The following ADGRL2 variants were observed in gnomAD, a reference collection of about 807,000 sequenced individuals.
ADGRL2 encodes adhesion G protein-coupled receptor L2, also known as calcium-independent alpha-latrotoxin receptor 2.
A neutral mutation model predicts 157.4 loss-of-function variants in ADGRL2; 44 were observed. The ratio of observed to expected loss-of-function variants is 0.28; its 90% CI spans 0.22 to 0.36. The LOEUF (loss-of-function observed/expected upper bound fraction) is 0.36. ADGRL2 is among the 10% of genes least tolerant of loss of function. The pLI, the probability that ADGRL2 is intolerant of heterozygous loss-of-function variation, is 1.00. For missense variants in ADGRL2, 1,510 were observed against 1,768.9 expected (o/e 0.85, Z 2.63); for synonymous variants, 585 against 624.7 (o/e 0.94, Z 0.95).
At chr1:81,626,970 G>T (rs1306598533) in intron 3 of ADGRL2, among the ~76,000 whole-genome samples, 3 of 151,892 alleles carry the variant, frequency 2.0e-5, no homozygotes, top group Admixed American at 6.6e-5. Flanking sequence ...TAAGGAGAGG[G>T]GCTAGACATG....
chr1:81,941,337 C>T (rs1440916056), intron 4 of ADGRL2, among the ~76,000 whole-genome samples: 1 of 151,406 alleles, frequency 6.6e-6, no homozygotes, highest in Non-Finnish European at 1.5e-5. Flanking sequence ...TTCAAAATCA[C>T]TACTGGTGAT....
chr1:81,723,208 C>A, intron 1 of ADGRL2: 1 of 449,320 alleles, frequency 2.2e-6, no homozygotes, highest in Non-Finnish European at 4.0e-6. Context: ...AATCCCTACC[C>A]TTCTCCCCCA....
intron 2 of ADGRL2, among the ~76,000 whole-genome samples, chr1:81,516,444 T>A (rs1217892115): frequency 6.6e-6 from 1 of 152,208 alleles, no homozygotes; most frequent in Non-Finnish European, 1.5e-5. Context: ...ATTTTCTTCC[T>A]GCATCTTACT....
At chr1:81,343,353 G>T (rs1002776079) in intron 1 of ADGRL2, among the ~76,000 whole-genome samples, 1 of 151,602 alleles carries the variant, frequency 6.6e-6, no homozygotes, top group Non-Finnish European at 1.5e-5. Flanking sequence ...GCCTCCCAAA[G>T]TACTGGGATT....
intron 2 of ADGRL2, among the ~76,000 whole-genome samples, chr1:81,769,637 A>G (rs920570850): frequency 4.0e-5 from 6 of 151,846 alleles, no homozygotes; most frequent in African/African-American, 1.4e-4. Context: ...GCTCTTCTTC[A>G]GCAATACCTT....
chr1:81,325,401 GC>G (rs1660826402), intron 1 of ADGRL2, among the ~76,000 whole-genome samples: 1 of 152,136 alleles, frequency 6.6e-6, no homozygotes, highest in South Asian at 2.1e-4. Context: ...TTGAATTTCA[GC>G]TATAAAGTTT....
intron 2 of ADGRL2, among the ~76,000 whole-genome samples, chr1:81,890,227 A>T (rs576232635): frequency 6.6e-6 from 1 of 152,308 alleles, no homozygotes; most frequent in African/African-American, 2.4e-5. Context: ...TGGGGAGAAT[A>T]CTGTGAAGAA....
chr1:81,919,186 CAA>C (rs2094925224), intron 3 of ADGRL2, among the ~76,000 whole-genome samples: 1 of 151,954 alleles, frequency 6.6e-6, no homozygotes, highest in African/African-American at 2.4e-5. Flanking sequence ...AAAAATTAAA[CAA>C]ATTCATTTTT....
intron 2 of ADGRL2, among the ~76,000 whole-genome samples, chr1:81,532,147 C>T (rs528550486): frequency 6.6e-6 from 1 of 152,116 alleles, no homozygotes; most frequent in Non-Finnish European, 1.5e-5. Flanking sequence ...TACCCTTCAG[C>T]GTTAGTATAA....
intron 3 of ADGRL2, among the ~76,000 whole-genome samples, chr1:81,916,913 C>T (rs533748943): frequency 4.0e-5 from 6 of 151,316 alleles, no homozygotes; most frequent in Admixed American, 6.6e-5. Flanking sequence ...GTTAGGAACA[C>T]GATAGCATGA....
chr1:81,398,017 T>G (rs1272643535), intron 1 of ADGRL2, among the ~76,000 whole-genome samples: 1 of 152,184 alleles, frequency 6.6e-6, no homozygotes, highest in Non-Finnish European at 1.5e-5. Flanking sequence ...CATATATTTT[T>G]GTAATTGTTA....
rs1215055082 is a variant in ADGRL2 at position 81,502,373 on chromosome 1, C to G, written c.-248+57284C>G. 3.7e-6 allele frequency: 6 copies of G among 1,613,928 alleles called. No individual in the cohort carries two copies. The African/African-American group carries it at 6.7e-5, about 18-fold the overall frequency. On this transcript the variant is annotated intron_variant, in intron 2 of 24. Coordinates refer to the ADGRL2 transcript ENST00000370721. ...CTGGAGTGATGATGCAGATGGAGGC[C>G]GGGGAAGAGAGATCTCTCGAGATTT... is the stretch of plus-strand genomic sequence containing the variant.
chr1:81,873,052 A>T (rs2093740381), intron 2 of ADGRL2, among the ~76,000 whole-genome samples: 1 of 152,142 alleles, frequency 6.6e-6, no homozygotes, highest in Non-Finnish European at 1.5e-5. Flanking sequence ...AATGAAAATG[A>T]AGTTAAAGCT....
At chr1:81,516,174 T>G (rs2079173562) in intron 2 of ADGRL2, among the ~76,000 whole-genome samples, 1 of 152,198 alleles carries the variant, frequency 6.6e-6, no homozygotes, top group South Asian at 2.1e-4. Flanking sequence ...GTGAAATAGC[T>G]AGTCGATGTT....
At chr1:81,829,975 A>G (rs1441430365) in intron 1 of ADGRL2, among the ~76,000 whole-genome samples, 2 of 152,192 alleles carry the variant, frequency 1.3e-5, no homozygotes, top group African/African-American at 4.8e-5. Flanking sequence ...ATCTAGGTAC[A>G]CGTCTCAAGG....
intron 1 of ADGRL2, among the ~76,000 whole-genome samples, chr1:81,406,576 T>G (rs2076857376): frequency 6.6e-6 from 1 of 152,194 alleles, no homozygotes; most frequent in Admixed American, 6.5e-5. Flanking sequence ...CTCTGGGCTG[T>G]TCTTTAAATA....
At chr1:81,862,692 T>G (rs1373241076) in intron 2 of ADGRL2, among the ~76,000 whole-genome samples, 6 of 152,264 alleles carry the variant, frequency 3.9e-5, no homozygotes, top group South Asian at 4.1e-4. Context: ...GAAAGAAGAA[T>G]AATATTTAGT....
chr1:81,802,467 C>T (rs1161600838), intron 1 of ADGRL2, among the ~76,000 whole-genome samples: 2 of 152,114 alleles, frequency 1.3e-5, no homozygotes, highest in Non-Finnish European at 2.9e-5. Context: ...GTCCAGCCGG[C>T]TTCTCCTTTT....
rs571571290 is a variant in ADGRL2, at chr1:81,569,945, C to T, written c.-247-10931C>T. On this transcript the variant is annotated intron_variant, in intron 2 of 24. Coordinates refer to the ADGRL2 transcript ENST00000370721. Reference sequence around the variant, plus strand: ...CACTCACATGGGTATTGGCAGGGTGCCTAAGTTTCTCCCTAGCTGTTGGCA... The same window carrying T: ...CACTCACATGGGTATTGGCAGGGTGTCTAAGTTTCTCCCTAGCTGTTGGCA... 7.2e-5 allele frequency among the ~76,000 whole-genome samples: 11 copies of T among 152,238 alleles called. No individual in the cohort carries two copies. In the South Asian group the frequency reaches 2.3e-3, roughly 32 times the overall value.
Sources: allele counts gnomAD v4.1 joint callset (sites outside exome capture counted in the v4.1 genomes callset), GRCh38; gene constraint gnomAD v4.1.1; transcripts MANE v1.5; gene names NCBI Gene and HGNC (gene_info 2026-07-23, HGNC 2026-07-21).